PDE4D: variants seen among roughly 807,000 people sequenced by gnomAD.
PDE4D encodes 3',5'-cyclic-AMP phosphodiesterase 4D.
In PDE4D, 24 loss-of-function variants were observed where a neutral mutation model predicts 87.4. The ratio of observed to expected loss-of-function variants is 0.27; its 90% CI spans 0.20 to 0.39. PDE4D has a LOEUF of 0.39. Ranked by LOEUF, PDE4D falls within the 10% of genes least tolerant of loss-of-function variation. The probability of loss-of-function intolerance (pLI) is 1.00; values close to 1 mark genes in which losing one functional copy is unlikely to be tolerated. For synonymous variants in PDE4D, 384 were observed against 383.2 expected, an observed-to-expected ratio of 1.00 and a Z score of -0.02; for missense variants, 714 against 1,041.0, an observed-to-expected ratio of 0.69 and a Z score of 4.32.
chr5:60,310,897 C>T lies in PDE4D; in HGVS notation c.-89-125210G>A, dbSNP rs1217640245. Among the ~76,000 whole-genome samples the T allele has an allele frequency of 7.9e-5, 12 of 152,206 alleles. 1 individual carries two copies. The highest frequency in any genetic ancestry group is 7.9e-4 in the Admixed American group (12 of 15,274). ...TTCTGCAAGTGGGGGATAATCATTC[C>T]ATGTGCTCTCCTGTGTTCCCACCAG... On this transcript the variant is annotated intron_variant, in intron 1 of 16. Coordinates refer to the PDE4D transcript ENST00000502484.
chr5:59,108,869 T>C (rs1409624330), intron 5 of PDE4D, among the ~76,000 whole-genome samples: 1 of 142,640 alleles, frequency 7.0e-6, no homozygotes, highest in Admixed American at 7.3e-5. Context: ...ATCGCACCAC[T>C]GCACTCCAGC....
intron 1 of PDE4D, among the ~76,000 whole-genome samples, chr5:59,868,753 C>G (rs141282864): frequency 1.3e-5 from 2 of 152,104 alleles, no homozygotes; most frequent in Non-Finnish European, 2.9e-5. Context: ...AGTTCTCCTG[C>G]GAAATAATAC....
At chr5:59,992,408 T>C (rs1482435089) in intron 2 of PDE4D, among the ~76,000 whole-genome samples, 1 of 152,180 alleles carries the variant, frequency 6.6e-6, no homozygotes, top group African/African-American at 2.4e-5. Flanking sequence ...CAATACTCCT[T>C]AACAAACTCC....
chr5:60,038,128 A>G (rs545941759), intron 2 of PDE4D, among the ~76,000 whole-genome samples: 41 of 152,196 alleles, frequency 2.7e-4, no homozygotes, highest in Middle Eastern at 3.4e-3. Context: ...CTTTAGTTTA[A>G]TTAGATCCTA....
intron 1 of PDE4D, among the ~76,000 whole-genome samples, chr5:59,607,317 A>ATCC (rs1352467434): frequency 3.9e-5 from 6 of 152,120 alleles, no homozygotes; most frequent in Non-Finnish European, 2.9e-5. Context: ...GCACTGACTG[A>ATCC]GTGCCCAGCA....
At chr5:59,653,918 AG>A (rs71604794) in intron 1 of PDE4D, among the ~76,000 whole-genome samples, 1 of 148,496 alleles carries the variant, frequency 6.7e-6, no homozygotes, top group Non-Finnish European at 1.5e-5. Context: ...GGAAAAAGGG[AG>A]GGGAGGCCAG....
rs187286053 is a variant in PDE4D at position 60,290,282 on chromosome 5, G to A, written c.-89-104595C>T. 2.0e-5 allele frequency among the ~76,000 whole-genome samples: 3 copies of A among 152,230 alleles called. No homozygotes were observed. In the East Asian group the frequency reaches 5.8e-4, roughly 29 times the overall value. ...CACTAAAGGAGGAATCATCTGAGAA[G>A]TAAATGATTATAAATCATAACAGAA... On this transcript the variant is annotated intron_variant, in intron 1 of 16. Transcript: ENST00000502484.
At chr5:59,032,314 C>T (rs759627410) in intron 6 of PDE4D, among the ~76,000 whole-genome samples, 18 of 152,002 alleles carry the variant, frequency 1.2e-4, no homozygotes, top group South Asian at 2.1e-4. Context: ...TGAATGTACA[C>T]AGAAATGACA....
At chr5:60,198,453 C>A (rs1741536891) in intron 1 of PDE4D, among the ~76,000 whole-genome samples, 1 of 151,470 alleles carries the variant, frequency 6.6e-6, no homozygotes, top group South Asian at 2.1e-4. Flanking sequence ...TCTGTTTTGG[C>A]CATTTTCTAA....
chr5:59,260,427 G>T (rs1761783961), intron 1 of PDE4D, among the ~76,000 whole-genome samples: 1 of 151,788 alleles, frequency 6.6e-6, no homozygotes. Context: ...GCCCAAGATT[G>T]CATGTGTAGT....
chr5:59,966,515 T>C (rs1760075107), intron 3 of PDE4D, among the ~76,000 whole-genome samples: 1 of 152,182 alleles, frequency 6.6e-6, no homozygotes, highest in Non-Finnish European at 1.5e-5. Flanking sequence ...TAAATGCAAA[T>C]AAGAAGCCAC....
intron 1 of PDE4D, among the ~76,000 whole-genome samples, chr5:59,565,333 A>G (rs1820695757): frequency 6.6e-6 from 1 of 152,156 alleles, no homozygotes; most frequent in Admixed American, 6.5e-5. Context: ...AACTTGGGCA[A>G]CATGGAAAAA....
At chr5:59,692,516 G>A (rs62370492) in intron 1 of PDE4D, among the ~76,000 whole-genome samples, 7,384 of 149,824 alleles carry the variant, frequency 0.049, 205 homozygotes, top group South Asian at 0.063. Flanking sequence ...TTACTCTCAC[G>A]TACTGAGCTT....
rs888502865 is a variant in PDE4D, at chr5:59,282,604, T to C, written c.456-66636A>G. On this transcript the variant is annotated intron_variant, in intron 1 of 14. Coordinates refer to ENST00000340635, the MANE Select transcript of PDE4D (RefSeq NM_001104631.2). The stretch of plus-strand genomic sequence containing the variant: ...GTTGCAGTGAGCCGAGATCGTGTCA[T>C]TGGACTCCAACCTGGGCGACAAGAG... Among the ~76,000 whole-genome samples, 7 of 135,932 alleles carry C rather than the reference T, an allele frequency of 5.1e-5. No homozygotes were observed. The Admixed American group carries it at 5.3e-4, about 10-fold the overall frequency. The allele number at this position is 135,932 out of a possible 152,430, so 89.2% of individuals were successfully genotyped here.
chr5:59,800,867 G>T (rs182561789), intron 1 of PDE4D, among the ~76,000 whole-genome samples: 1 of 152,270 alleles, frequency 6.6e-6, no homozygotes, highest in East Asian at 1.9e-4. Flanking sequence ...AATAGAATGT[G>T]TACAAAAATG....
intron 2 of PDE4D, among the ~76,000 whole-genome samples, chr5:60,037,239 T>A (rs569725566): frequency 6.6e-6 from 1 of 152,190 alleles, no homozygotes; most frequent in Non-Finnish European, 1.5e-5. Flanking sequence ...CAATACAATA[T>A]GTTAAAATGC....
chr5:60,469,498 T>TTTTATTGCACTTTGC, intron 1 of PDE4D, among the ~76,000 whole-genome samples: 2 of 152,310 alleles, frequency 1.3e-5, no homozygotes, highest in South Asian at 4.1e-4. Context: ...CCCTTATCTG[T>TTTTATTGCACTTTGC]TTTATTGCAC....
At chr5:59,062,255 T>C (rs1763237771) in intron 5 of PDE4D, among the ~76,000 whole-genome samples, 1 of 152,172 alleles carries the variant, frequency 6.6e-6, no homozygotes, top group Admixed American at 6.6e-5. Flanking sequence ...GGGGAATCTC[T>C]ATTTGTATTA....
In PDE4D at chr5:59,232,858, T is replaced by C. The variant is rs1755543049; in HGVS notation, c.456-16890A>G. Reference sequence around the variant, plus strand: ...CACACATACACATACAATGGAATACTATGCAGTCATAAAAAGAGCAAAATC... The same window carrying C: ...CACACATACACATACAATGGAATACCATGCAGTCATAAAAAGAGCAAAATC... On this transcript the variant is annotated intron_variant, in intron 1 of 14. Transcript: ENST00000340635. Among the ~76,000 whole-genome samples, 9 of 152,012 alleles carry C rather than the reference T, an allele frequency of 5.9e-5. No individual in the cohort carries two copies. The South Asian group carries it at 1.9e-3, about 32-fold the overall frequency.
Sources: allele counts gnomAD v4.1 joint callset (sites outside exome capture counted in the v4.1 genomes callset), GRCh38; gene constraint gnomAD v4.1.1; transcripts MANE v1.5; gene names NCBI Gene and HGNC (gene_info 2026-07-23, HGNC 2026-07-21).